HDAC4: variants seen among roughly 807,000 people sequenced by gnomAD.
HDAC4 encodes histone deacetylase 4.
HDAC4 carries 16 observed loss-of-function variants against 135.1 expected under a neutral mutation model. That is an observed-to-expected ratio of 0.12 (90% CI 0.08 to 0.18). HDAC4 has a LOEUF of 0.18. Ranked by LOEUF, HDAC4 falls within the 10% of genes least tolerant of loss-of-function variation. The pLI, the probability that HDAC4 is intolerant of heterozygous loss-of-function variation, is 1.00. For synonymous variants in HDAC4, 685 were observed against 653.4 expected (o/e 1.05, Z -0.74); for missense variants, 1,143 against 1,511.8 (o/e 0.76, Z 4.05).
intron 22 of HDAC4, among the ~76,000 whole-genome samples, chr2:239,080,114 ACAC>A (rs1461647314): frequency 1.3e-5 from 2 of 152,068 alleles, no homozygotes; most frequent in African/African-American, 4.8e-5. Flanking sequence ...ACACAGATGA[ACAC>A]CGACCCACAC....
At chr2:239,103,028 G>A in intron 15 of HDAC4, 132 bp from the exon 16 acceptor site, 1 of 1,087,708 alleles carries the variant, frequency 9.2e-7, no homozygotes, top group Middle Eastern at 2.9e-4. Context: ...CATGTTATTT[G>A]GTTACTGCAA....
At chr2:239,375,090 G>A (rs1318394183) in intron 1 of HDAC4, among the ~76,000 whole-genome samples, 1 of 152,242 alleles carries the variant, frequency 6.6e-6, no homozygotes, top group Admixed American at 6.5e-5. Context: ...TGATGGGTCA[G>A]CTGGGAGAAC....
intron 22 of HDAC4, among the ~76,000 whole-genome samples, chr2:239,074,361 C>T (rs1057337519): frequency 2.6e-5 from 4 of 152,260 alleles, no homozygotes; most frequent in Admixed American, 2.6e-4. Flanking sequence ...TTTACTTCCC[C>T]ACTTTGAAGT....
At chr2:239,058,063 GTAGTTT>G (rs1338319300) in intron 24 of HDAC4, among the ~76,000 whole-genome samples, 1 of 152,228 alleles carries the variant, frequency 6.6e-6, no homozygotes, top group African/African-American at 2.4e-5. Context: ...TGATAAACAA[GTAGTTT>G]TGCAGTGGAA....
At chr2:239,078,417 G>A (rs1011692668) in intron 22 of HDAC4, among the ~76,000 whole-genome samples, 2 of 152,166 alleles carry the variant, frequency 1.3e-5, no homozygotes, top group Non-Finnish European at 2.9e-5. Flanking sequence ...GGGCCCCCGT[G>A]GGGGAGAAGA....
intron 2 of HDAC4, among the ~76,000 whole-genome samples, chr2:239,274,418 C>T (rs545771483): frequency 6.6e-6 from 1 of 152,236 alleles, no homozygotes; most frequent in South Asian, 2.1e-4. Context: ...GCGTCCCCTC[C>T]CAGTTTTAAG....
At chr2:239,305,012 C>T (rs778841454) in intron 2 of HDAC4, among the ~76,000 whole-genome samples, 8 of 152,182 alleles carry the variant, frequency 5.3e-5, no homozygotes, top group African/African-American at 1.2e-4. Flanking sequence ...TTCTTCCAGC[C>T]GGCCTGGGGC....
rs374729768 is a variant in HDAC4, at chr2:239,139,791, C to T, written c.871G>A (p.Ala291Thr). The change falls in exon 9 of 27, where the codon GCG (alanine) becomes ACG (threonine). Residue 291 changes from alanine to threonine, a missense_variant. Physicochemically the swap from Ala to Thr is moderately conservative, Grantham distance 58. Around this residue, in one of 9 missense-constraint regions of HDAC4, gnomAD observed 272 missense variants for 309.7 expected, o/e 0.88. Coordinates refer to ENST00000543185, the MANE Select transcript of HDAC4 (RefSeq NM_001378414.1). This position sits in a 1 kb window ranked among gnomAD's most constrained non-coding sequence, Gnocchi z 5.3. ...CCGGAGCCTGGGGCGCTGCTGCACG[C>T]GGAGTCTGCGGAGGCAGAAATACCC... is the stretch of plus-strand genomic sequence containing the variant. ...KKRPLDVTDS[A>T]CSSAPGSGPS... is the part of the protein sequence containing the mutation. 44 of 1,613,032 alleles carry T rather than the reference C, an allele frequency of 2.7e-5. No homozygotes were observed. The highest frequency in any genetic ancestry group is 2.3e-4 in the African/African-American group (17 of 74,424).
In HDAC4 at chr2:239,051,282, C is replaced by T. The variant is rs2030806152; in HGVS notation, c.*1815G>A. 2 of 152,264 alleles carry T rather than the reference C, an allele frequency of 1.3e-5. No individual in the cohort carries two copies. The highest frequency in any genetic ancestry group is 4.8e-5 in the African/African-American group (2 of 41,440). The allele number at this position is 152,264 out of a possible 1,614,324, so 9.4% of individuals were successfully genotyped here. A position where few individuals can be genotyped will look rare whatever the true frequency, so the allele number is the denominator to read the frequency against. ...TAGGACAGACCAGGAAAGACACAAT[C>T]GTTGGTGTCACTCCGAAAAGACCTA... On this transcript the variant is annotated 3_prime_UTR_variant, in exon 27 of 27. Coordinates refer to ENST00000543185, the MANE Select transcript of HDAC4 (RefSeq NM_001378414.1).
chr2:239,148,383 G>C (rs1008047693), intron 7 of HDAC4, among the ~76,000 whole-genome samples: 1 of 152,184 alleles, frequency 6.6e-6, no homozygotes, highest in African/African-American at 2.4e-5. Flanking sequence ...GGAGAAGAGA[G>C]AATCAGCAGG....
chr2:239,126,563 G>A lies in HDAC4; in HGVS notation c.1426C>T (p.Pro476Ser), dbSNP rs758071221. 18 of 1,613,682 alleles carry A rather than the reference G, an allele frequency of 1.1e-5. No homozygotes were observed. The highest frequency in any genetic ancestry group is 1.4e-5 in the Non-Finnish European group (17 of 1,179,938). ...TGCTGCAGAGCCTGGGCGTTCTGGG[G>A]CAGCGGGGCCGACTGGGTCCGCCCC... ...PLGRTQSAPLPQNAQALQHLV... is the reference protein window; with the variant it reads ...PLGRTQSAPLSQNAQALQHLV... The change falls in exon 12 of 27, where the codon CCC (proline) becomes TCC (serine). Residue 476 changes from proline (P) to serine (S), a missense_variant. Coordinates refer to ENST00000543185, the MANE Select transcript of HDAC4 (RefSeq NM_001378414.1).
At chr2:239,187,447 A>C (rs773309889) in intron 4 of HDAC4, among the ~76,000 whole-genome samples, 1 of 152,230 alleles carries the variant, frequency 6.6e-6, no homozygotes, top group Non-Finnish European at 1.5e-5. Flanking sequence ...CAGATCATGG[A>C]AAGGCTGGTG....
Position 239,089,953 on chromosome 2 carries a change from C to T in HDAC4, c.2388+56G>A, listed in dbSNP as rs555137691. The stretch of plus-strand genomic sequence containing the variant: ...ACGGAGTGGGCGGCCCCTCCCCACA[C>T]TGGGAATCTATGGCAGGCCTCCTGG... On this transcript the variant is annotated intron_variant, in intron 18 of 26. Coordinates refer to ENST00000543185, the MANE Select transcript of HDAC4 (RefSeq NM_001378414.1). 2.1e-4 allele frequency: 280 copies of T among 1,328,452 alleles called. No homozygotes were observed. In the African/African-American group the frequency reaches 3.6e-3, roughly 17 times the overall value. The allele number at this position is 1,328,452 out of a possible 1,614,324, so 82.3% of individuals were successfully genotyped here.
intron 1 of HDAC4, among the ~76,000 whole-genome samples, chr2:239,386,480 C>T (rs1695816823): frequency 1.3e-5 from 2 of 152,096 alleles, no homozygotes; most frequent in Non-Finnish European, 2.9e-5. Context: ...CTGGGGGCAT[C>T]CCGGGGTGGC....
rs1438042875 is a variant in HDAC4 at position 239,053,570 on chromosome 2, G to C, written c.3120C>G (p.Thr1040=). The C allele has an allele frequency of 6.2e-7, 1 of 1,613,962 alleles. No individual in the cohort carries two copies. The highest frequency in any genetic ancestry group is 2.2e-5 in the East Asian group (1 of 44,862). The change falls in exon 26 of 27, where the codon ACC becomes ACG. Residue 1040 remains threonine (T), a synonymous_variant. Coordinates refer to ENST00000543185, the MANE Select transcript of HDAC4 (RefSeq NM_001378414.1). The part of the protein sequence containing the change: ...SKYWRCLQRT[T]STAGRSLIEA... ...CGATCAGAGAACGCCCCGCTGTGGAGGTTGTGCGCTGCAGGCAGCGCCAGT... is the reference window on the plus strand; with the variant it reads ...CGATCAGAGAACGCCCCGCTGTGGACGTTGTGCGCTGCAGGCAGCGCCAGT...
chr2:239,129,587 G>A (rs1391606189), intron 11 of HDAC4, among the ~76,000 whole-genome samples: 2 of 152,192 alleles, frequency 1.3e-5, no homozygotes, highest in Non-Finnish European at 2.9e-5. Flanking sequence ...CCTGTGCCCA[G>A]TGCAAGGGCA....
chr2:239,273,717 A>C (rs2050188933), intron 2 of HDAC4, among the ~76,000 whole-genome samples: 2 of 152,224 alleles, frequency 1.3e-5, no homozygotes, highest in South Asian at 4.1e-4. Context: ...ACATGGACAC[A>C]GGCAGTGAGA....
At position 239,174,425 on chromosome 2, in the gene HDAC4, A is replaced by T. The variant is rs117323008; in HGVS notation, c.490+1988T>A. ...CGGCAAAAAAAACTTATGAAAATAA[A>T]CTATCTTATTGGTAATCAAAGAAAT... On this transcript the variant is annotated intron_variant, in intron 5 of 26. Transcript: ENST00000543185. 8.9e-4 allele frequency among the ~76,000 whole-genome samples: 135 copies of T among 152,330 alleles called. 3 individuals carry two copies. The East Asian group carries it at 0.025, about 28-fold the overall frequency.
chr2:239,158,822 C>T (rs781180312), intron 6 of HDAC4, among the ~76,000 whole-genome samples: 3 of 152,102 alleles, frequency 2.0e-5, no homozygotes, highest in Admixed American at 2.0e-4. Context: ...AGACCGCACA[C>T]GCGTGCCCTC....
Sources: allele counts gnomAD v4.1 joint callset (sites outside exome capture counted in the v4.1 genomes callset), GRCh38; gene constraint gnomAD v4.1.1; regional missense constraint gnomAD v4.1.1; non-coding constraint Gnocchi (gnomAD v3.1); transcripts MANE v1.5; gene names NCBI Gene and HGNC (gene_info 2026-07-23, HGNC 2026-07-21).